NAALADL2: variants seen among roughly 807,000 people sequenced by gnomAD.
NAALADL2 encodes the protein N-acetylated alpha-linked acidic dipeptidase like 2, also known as inactive N-acetylated-alpha-linked acidic dipeptidase-like protein 2.
Under a neutral mutation model 87.2 loss-of-function variants are expected in NAALADL2, and 76 were observed. That is an observed-to-expected ratio of 0.87 (90% CI 0.72 to 1.05). NAALADL2 has a LOEUF of 1.05. NAALADL2 is among the 50% of genes least tolerant of loss of function. NAALADL2 has a pLI of 0.00. For synonymous variants in NAALADL2, 354 were observed against 331.0 expected (o/e 1.07, Z -0.75); for missense variants, 1,089 against 945.8 (o/e 1.15, Z -1.99).
chr3:174,792,358 G>T (rs941820977), intron 3 of NAALADL2, among the ~76,000 whole-genome samples: 1 of 152,134 alleles, frequency 6.6e-6, no homozygotes, highest in African/African-American at 2.4e-5. Context: ...TACTGATTTT[G>T]TTATTTTCAA....
intron 3 of NAALADL2, among the ~76,000 whole-genome samples, chr3:175,245,400 G>A (rs1747780506): frequency 6.6e-6 from 1 of 151,646 alleles, no homozygotes; most frequent in Non-Finnish European, 1.5e-5. Flanking sequence ...GTAAAGTATG[G>A]AAATGAAATC....
intron 1 of NAALADL2, among the ~76,000 whole-genome samples, chr3:174,948,809 G>T (rs368938353): frequency 4.6e-5 from 7 of 152,124 alleles, no homozygotes; most frequent in East Asian, 3.9e-4. Flanking sequence ...TCCTCATCTG[G>T]ACTGTCAGTT....
At chr3:175,396,592 C>T (rs572658954) in intron 5 of NAALADL2, among the ~76,000 whole-genome samples, 38 of 152,062 alleles carry the variant, frequency 2.5e-4, no homozygotes, top group South Asian at 1.2e-3. Flanking sequence ...GCACTAGAGA[C>T]GCCAGAAATC....
At chr3:175,118,532 C>A (rs1033797550) in intron 2 of NAALADL2, among the ~76,000 whole-genome samples, 29 of 151,660 alleles carry the variant, frequency 1.9e-4, no homozygotes, top group African/African-American at 6.8e-4. Flanking sequence ...GGTAAACAAA[C>A]CATTAAATTG....
intron 2 of NAALADL2, among the ~76,000 whole-genome samples, chr3:174,599,853 G>A (rs1718269867): frequency 1.3e-5 from 2 of 152,056 alleles, no homozygotes; most frequent in African/African-American, 4.8e-5. Flanking sequence ...AAGCCTTAGT[G>A]CTCAATTTTT....
At chr3:175,481,131 T>C (rs559138067) in intron 9 of NAALADL2, among the ~76,000 whole-genome samples, 1 of 151,956 alleles carries the variant, frequency 6.6e-6, no homozygotes, top group Non-Finnish European at 1.5e-5. Flanking sequence ...CATTGGTACA[T>C]AAGTGAATGT....
chr3:175,648,893 C>T (rs1351058925), intron 11 of NAALADL2, among the ~76,000 whole-genome samples: 1 of 152,152 alleles, frequency 6.6e-6, no homozygotes, highest in East Asian at 1.9e-4. Context: ...TCTCTTCATA[C>T]CTTCAGTTGT....
At chr3:174,704,351 G>C (rs1332709310) in intron 2 of NAALADL2, among the ~76,000 whole-genome samples, 1 of 151,864 alleles carries the variant, frequency 6.6e-6, no homozygotes, top group African/African-American at 2.4e-5. Context: ...TATGACAAGG[G>C]GTTTCTATTA....
At chr3:175,414,831 T>A (rs1714280176) in intron 5 of NAALADL2, among the ~76,000 whole-genome samples, 1 of 152,132 alleles carries the variant, frequency 6.6e-6, no homozygotes, top group Non-Finnish European at 1.5e-5. Flanking sequence ...TATGTGAGGT[T>A]ATGCAGGAAA....
At chr3:175,018,283 G>C (rs1751111138) in intron 1 of NAALADL2, among the ~76,000 whole-genome samples, 1 of 151,912 alleles carries the variant, frequency 6.6e-6, no homozygotes, top group African/African-American at 2.4e-5. Flanking sequence ...CTGTATATTT[G>C]AGATTTTAGT....
chr3:175,798,078 A>G (rs575530010), intron 13 of NAALADL2, among the ~76,000 whole-genome samples: 10 of 152,054 alleles, frequency 6.6e-5, no homozygotes, highest in Non-Finnish European at 1.3e-4. Flanking sequence ...GCAGGAAGCT[A>G]AGTGGTTTTC....
intron 9 of NAALADL2, among the ~76,000 whole-genome samples, chr3:175,512,021 G>T (rs879611195): frequency 6.6e-6 from 1 of 152,060 alleles, no homozygotes; most frequent in African/African-American, 2.4e-5. Flanking sequence ...GTAGAGGATC[G>T]CTTTGAGCCA....
intron 1 of NAALADL2, among the ~76,000 whole-genome samples, chr3:175,044,455 TC>T (rs1430000733): frequency 6.6e-6 from 1 of 152,176 alleles, no homozygotes; most frequent in Non-Finnish European, 1.5e-5. Context: ...TTATTGTCTT[TC>T]CATCTCATTA....
chr3:174,463,175 A>G (rs377142602), intron 1 of NAALADL2, among the ~76,000 whole-genome samples: 2 of 152,174 alleles, frequency 1.3e-5, no homozygotes, highest in African/African-American at 4.8e-5. Context: ...TCCTGCAGAG[A>G]ATCAAGCAAA....
intron 2 of NAALADL2, among the ~76,000 whole-genome samples, chr3:174,610,316 G>A (rs1191515716): frequency 1.3e-5 from 2 of 151,744 alleles, no homozygotes; most frequent in Non-Finnish European, 2.9e-5. Context: ...TTGACAAATG[G>A]GATCTAATTA....
intron 1 of NAALADL2, among the ~76,000 whole-genome samples, chr3:175,069,139 A>G (rs1221475446): frequency 6.7e-6 from 1 of 150,294 alleles, no homozygotes; most frequent in Non-Finnish European, 1.5e-5. Flanking sequence ...AGCAATGGCA[A>G]CAAAAGCCAA....
chr3:175,002,388 G>A (rs1560462736), intron 1 of NAALADL2, among the ~76,000 whole-genome samples: 1 of 152,092 alleles, frequency 6.6e-6, no homozygotes, highest in African/African-American at 2.4e-5. Flanking sequence ...ATGAACCGTT[G>A]AAGTTCCATA....
chr3:174,607,742 C>T (rs1348405024), intron 2 of NAALADL2, among the ~76,000 whole-genome samples: 1 of 152,148 alleles, frequency 6.6e-6, no homozygotes, highest in African/African-American at 2.4e-5. Context: ...CCCCTGTCAA[C>T]ATTAGACAGA....
At chr3:175,015,602 A>G (rs1337645711) in intron 1 of NAALADL2, among the ~76,000 whole-genome samples, 3 of 152,136 alleles carry the variant, frequency 2.0e-5, no homozygotes, top group African/African-American at 7.2e-5. Flanking sequence ...CTGAAATGAT[A>G]TTAAATATGA....
Sources: allele counts gnomAD v4.1 joint callset (sites outside exome capture counted in the v4.1 genomes callset), GRCh38; gene constraint gnomAD v4.1.1; transcripts MANE v1.5; gene names NCBI Gene and HGNC (gene_info 2026-07-23, HGNC 2026-07-21).